The following GALNT13 variants were observed in gnomAD, a reference collection of about 807,000 sequenced individuals.
GALNT13 encodes UDP-GalNAc:polypeptide N-acetylgalactosaminyltransferase 13.
In GALNT13, 28 loss-of-function variants were observed where a neutral mutation model predicts 64.2. The observed-to-expected ratio is 0.44, with a 90% CI of 0.32 to 0.60. GALNT13 has a LOEUF of 0.60. Among genes scored for constraint, GALNT13 ranks in the 20% least tolerant of loss-of-function variants. The probability of loss-of-function intolerance (pLI) is 0.05; values close to 1 mark genes in which losing one functional copy is unlikely to be tolerated. For missense variants in GALNT13, 577 were observed against 669.8 expected (o/e 0.86, Z 1.53); for synonymous variants, 214 against 224.6 (o/e 0.95, Z 0.42).
chr2:154,357,077 G>C (rs1696793537), intron 9 of GALNT13, among the ~76,000 whole-genome samples: 1 of 151,934 alleles, frequency 6.6e-6, no homozygotes, highest in South Asian at 2.1e-4. Flanking sequence ...TGAACTAGAA[G>C]ATCTATCTTC....
the GALNT13 span, among the ~76,000 whole-genome samples, chr2:153,082,180 T>G: frequency 3.3e-5 from 5 of 152,100 alleles, no homozygotes; most frequent in Non-Finnish European, 5.9e-5. Context: ...AGAAATGAGT[T>G]TTTGGATAAC....
At chr2:153,778,014 T>C in the GALNT13 span, among the ~76,000 whole-genome samples, 1 of 152,150 alleles carries the variant, frequency 6.6e-6, no homozygotes, top group Non-Finnish European at 1.5e-5. Flanking sequence ...AGAAAGGAGA[T>C]GATTTTCCCT....
At chr2:154,074,460 T>C (rs1483243468) in intron 3 of GALNT13, among the ~76,000 whole-genome samples, 1 of 151,914 alleles carries the variant, frequency 6.6e-6, no homozygotes, top group East Asian at 1.9e-4. Context: ...CTTGTTGAGG[T>C]AGATACTATT....
the GALNT13 span, among the ~76,000 whole-genome samples, chr2:153,566,348 G>GTTTTTTTGTTTTTTT: frequency 4.8e-4 from 36 of 74,796 alleles, no homozygotes; most frequent in African/African-American, 2.3e-3. Context: ...TTCTAATCAC[G>GTTTTTTTGTTTTTTT]TTTTTTTTTT....
chr2:154,284,520 T>TACAC (rs372990123), intron 8 of GALNT13, among the ~76,000 whole-genome samples: 1,553 of 145,840 alleles, frequency 0.011, 25 homozygotes, highest in African/African-American at 0.035. Flanking sequence ...TACATATAGC[T>TACAC]ACACACACAC....
intron 4 of GALNT13, among the ~76,000 whole-genome samples, chr2:154,198,052 A>T (rs1686972492): frequency 6.6e-6 from 1 of 152,160 alleles, no homozygotes; most frequent in Non-Finnish European, 1.5e-5. Context: ...ATTCCCAGAC[A>T]TAACATTGAA....
intron 1 of GALNT13, among the ~76,000 whole-genome samples, chr2:153,899,021 T>C (rs1390249282): frequency 6.6e-6 from 1 of 152,190 alleles, no homozygotes; most frequent in African/African-American, 2.4e-5. Context: ...TCTAGCCTTA[T>C]AAAAATCTTC....
At chr2:153,448,216 G>A in the GALNT13 span, among the ~76,000 whole-genome samples, 16 of 152,086 alleles carry the variant, frequency 1.1e-4, no homozygotes, top group Non-Finnish European at 2.2e-4. Flanking sequence ...TTATTTTTTC[G>A]TTGTATGTAG....
At chr2:153,302,229 G>C in the GALNT13 span, among the ~76,000 whole-genome samples, 3 of 152,026 alleles carry the variant, frequency 2.0e-5, no homozygotes, top group Admixed American at 2.0e-4. Flanking sequence ...TTGTCATTTT[G>C]ATAATAGCCA....
the GALNT13 span, chr2:153,357,557 C>T: frequency 6.6e-6 from 1 of 152,040 alleles, no homozygotes; most frequent in Non-Finnish European, 1.5e-5. Context: ...CAATTTGGGG[C>T]CATAAACTGT....
At chr2:153,796,006 G>A in the GALNT13 span, among the ~76,000 whole-genome samples, 2 of 152,204 alleles carry the variant, frequency 1.3e-5, no homozygotes, top group African/African-American at 2.4e-5. Flanking sequence ...AATGCAAGTC[G>A]AGAAGAAAGC....
At chr2:153,841,868 A>G in the GALNT13 span, among the ~76,000 whole-genome samples, 1 of 152,272 alleles carries the variant, frequency 6.6e-6, no homozygotes. Flanking sequence ...ACTCAAAGCA[A>G]AGTGCACAAA....
At chr2:153,335,428 C>A in the GALNT13 span, among the ~76,000 whole-genome samples, 1 of 152,094 alleles carries the variant, frequency 6.6e-6, no homozygotes, top group Non-Finnish European at 1.5e-5. Flanking sequence ...AAAATCCAAG[C>A]TGAGGTGATC....
At chr2:153,281,116 C>G in the GALNT13 span, among the ~76,000 whole-genome samples, 1 of 152,110 alleles carries the variant, frequency 6.6e-6, no homozygotes, top group Non-Finnish European at 1.5e-5. Context: ...TATATTATGT[C>G]TTTCTTTGTC....
chr2:153,083,439 G>A, the GALNT13 span, among the ~76,000 whole-genome samples: 1 of 152,174 alleles, frequency 6.6e-6, no homozygotes, highest in Non-Finnish European at 1.5e-5. Context: ...TATTCTTGCA[G>A]GAGTAAGGTG....
At chr2:154,148,496 A>G (rs79027649) in intron 4 of GALNT13, among the ~76,000 whole-genome samples, 30,708 of 151,764 alleles carry the variant, frequency 0.2, 4,006 homozygotes, top group Middle Eastern at 0.32. Context: ...CTGAGGAATC[A>G]CCACACTGAC....
rs558751519 is a variant in GALNT13 at position 154,039,452 on chromosome 2, G to A, written c.142+94813G>A. Among the ~76,000 whole-genome samples, 111 of 140,420 alleles carry A rather than the reference G, an allele frequency of 7.9e-4. 20 individuals carry two copies. In the South Asian group the frequency reaches 0.022, roughly 27 times the overall value. The allele number at this position is 140,420 out of a possible 152,430, so 92.1% of individuals were successfully genotyped here. ...GCCATTAAAAGAAGGAAATCAGGTC[G>A]TCTGCAGCTACATGAGTGAACCTGG... On this transcript the variant is annotated intron_variant, in intron 3 of 12. Transcript: ENST00000392825.
At chr2:153,397,365 C>T in the GALNT13 span, among the ~76,000 whole-genome samples, 7 of 151,966 alleles carry the variant, frequency 4.6e-5, no homozygotes, top group Non-Finnish European at 1.0e-4. Flanking sequence ...ATGTTCTATG[C>T]CTTAATGCAG....
chr2:153,957,798 A>C (rs1189380040), intron 3 of GALNT13, among the ~76,000 whole-genome samples: 1 of 152,086 alleles, frequency 6.6e-6, no homozygotes, highest in Non-Finnish European at 1.5e-5. Flanking sequence ...ATAGTTCTCT[A>C]ACTGTGTCGT....
Sources: gnomAD v4.1 joint callset for allele counts (sites outside exome capture counted in the v4.1 genomes callset) on GRCh38, gnomAD v4.1.1 for gene constraint, MANE v1.5 for transcripts, NCBI Gene and HGNC (gene_info 2026-07-23, HGNC 2026-07-21) for gene names.